The following CNTNAP5 variants were observed in gnomAD, a reference collection of about 807,000 sequenced individuals.
The protein encoded by CNTNAP5 is contactin associated protein family member 5, also known as contactin-associated protein-like 5.
In CNTNAP5, 72 loss-of-function variants were observed where a neutral mutation model predicts 150.2. That is an observed-to-expected ratio of 0.48 (90% CI 0.40 to 0.58). The LOEUF is 0.58. Among genes scored for constraint, CNTNAP5 ranks in the 20% least tolerant of loss-of-function variants. The pLI is 0.00. For synonymous variants in CNTNAP5, 672 were observed against 619.8 expected, an observed-to-expected ratio of 1.08 and a Z score of -1.25; for missense variants, 1,636 against 1,626.2, an observed-to-expected ratio of 1.01 and a Z score of -0.10.
chr2:124,561,307 C>T (rs1217869425), intron 10 of CNTNAP5, among the ~76,000 whole-genome samples: 1 of 152,022 alleles, frequency 6.6e-6, no homozygotes, highest in Non-Finnish European at 1.5e-5. Flanking sequence ...GTGCTAGCCC[C>T]CCAGGATCTC....
intron 3 of CNTNAP5, among the ~76,000 whole-genome samples, chr2:124,288,207 G>A (rs1187572924): frequency 6.6e-6 from 1 of 152,192 alleles, no homozygotes. Context: ...TGAGATTACA[G>A]ACATGAGCCA....
Position 124,776,919 on chromosome 2 carries a change from CAA to C in CNTNAP5, c.2752+3904_2752+3905del, listed in dbSNP as rs1004009263. ...TTCCCCCATAAAAGTGTATTTTTTT[CAA>C]AGTTAAATAATATATTAAGTATACT... On this transcript the variant is annotated intron_variant, in intron 17 of 23. Coordinates refer to ENST00000682447, the MANE Select transcript of CNTNAP5 (RefSeq NM_001367498.1). 1.0e-3 allele frequency among the ~76,000 whole-genome samples: 152 copies of C among 151,836 alleles called. 1 individual carries two copies. The highest frequency in any genetic ancestry group is 3.4e-3 in the African/African-American group (140 of 41,452).
At chr2:124,131,795 C>A (rs747558764) in intron 1 of CNTNAP5, among the ~76,000 whole-genome samples, 1 of 152,090 alleles carries the variant, frequency 6.6e-6, no homozygotes, top group Non-Finnish European at 1.5e-5. Flanking sequence ...ATTTTTTCAT[C>A]CCACTATGGA....
At chr2:124,854,614 G>C (rs7588297) in intron 19 of CNTNAP5, among the ~76,000 whole-genome samples, 1,840 of 152,308 alleles carry the variant, frequency 0.012, 44 homozygotes, top group African/African-American at 0.041. Context: ...ATAAATGTTA[G>C]TTTATAATTT....
chr2:124,345,018 T>A (rs1689704561), intron 3 of CNTNAP5, among the ~76,000 whole-genome samples: 1 of 152,166 alleles, frequency 6.6e-6, no homozygotes, highest in South Asian at 2.1e-4. Context: ...TAAGACCTTT[T>A]AATTTTCTTT....
At chr2:124,439,448 A>G (rs1222971632) in intron 5 of CNTNAP5, among the ~76,000 whole-genome samples, 1 of 152,204 alleles carries the variant, frequency 6.6e-6, no homozygotes, top group Non-Finnish European at 1.5e-5. Flanking sequence ...CATCATCAAA[A>G]TCATATAACA....
chr2:124,691,006 T>C (rs1171445613), intron 13 of CNTNAP5, among the ~76,000 whole-genome samples: 1 of 152,086 alleles, frequency 6.6e-6, no homozygotes, highest in African/African-American at 2.4e-5. Context: ...TTTTACACAA[T>C]ACAGAAGCCT....
chr2:124,166,403 A>G (rs1339276974), intron 1 of CNTNAP5, among the ~76,000 whole-genome samples: 2 of 152,194 alleles, frequency 1.3e-5, no homozygotes, highest in African/African-American at 2.4e-5. Flanking sequence ...ACTTAAGTAC[A>G]TTGAGATTTA....
chr2:124,880,544 C>T (rs1677944449), intron 21 of CNTNAP5, among the ~76,000 whole-genome samples: 1 of 151,970 alleles, frequency 6.6e-6, no homozygotes, highest in Non-Finnish European at 1.5e-5. Flanking sequence ...ATAAGCCTTG[C>T]ACAGAGCATG....
At chr2:124,812,012 A>AAT (rs1408271454) in intron 19 of CNTNAP5, among the ~76,000 whole-genome samples, 1 of 61,622 alleles carries the variant, frequency 1.6e-5, no homozygotes, top group African/African-American at 5.6e-5. Context: ...ATAATATATA[A>AAT]TTTATATTTA....
chr2:124,493,467 A>G (rs977064070), intron 7 of CNTNAP5, among the ~76,000 whole-genome samples: 1 of 151,818 alleles, frequency 6.6e-6, no homozygotes, highest in African/African-American at 2.4e-5. Context: ...CAGCCTCCCT[A>G]GTAGCTGGGA....
rs116676372 is a variant in CNTNAP5, at chr2:124,633,803, T to C, written c.1877-13955T>C. Among the ~76,000 whole-genome samples, 520 of 152,324 alleles carry C rather than the reference T, an allele frequency of 3.4e-3. 3 individuals are homozygous for C. The highest frequency in any genetic ancestry group is 4.9e-3 in the Non-Finnish European group (334 of 68,030). ...CTGGAGTCTCCCAAGCCTCAATTCT[T>C]GTACTCTGTGAACCCTCAGACTTAA... On this transcript the variant is annotated intron_variant, in intron 12 of 23. Transcript: ENST00000682447.
chr2:124,699,808 CTCTTTCTTTCTT>C lies in CNTNAP5; in HGVS notation c.2078-47414_2078-47403del, dbSNP rs199864543. On this transcript the variant is annotated intron_variant, in intron 13 of 23. Transcript: ENST00000682447. ...CTTTCTTTCTTTTCTTTCTTTCTTTCTCTTTCTTTCTTTCTTTCCTTCTCTTTCTTTCTTCTC... is the reference window on the plus strand; with the variant it reads ...CTTTCTTTCTTTTCTTTCTTTCTTTCTCTTTCCTTCTCTTTCTTTCTTCTC... Among the ~76,000 whole-genome samples the C allele has an allele frequency of 1.9e-3, 283 of 151,784 alleles. 2 individuals carry two copies. The highest frequency in any genetic ancestry group is 5.2e-4 in the Non-Finnish European group (35 of 67,892).
chr2:124,350,998 A>T (rs370549457), intron 3 of CNTNAP5, among the ~76,000 whole-genome samples: 22 of 33,246 alleles, frequency 6.6e-4, no homozygotes, highest in Non-Finnish European at 1.2e-3. Flanking sequence ...TTTCCAAAGA[A>T]CTTCGATTTA....
At chr2:124,238,224 G>A (rs894198905) in intron 2 of CNTNAP5, among the ~76,000 whole-genome samples, 1 of 152,078 alleles carries the variant, frequency 6.6e-6, no homozygotes, top group South Asian at 2.1e-4. Context: ...CTGGATGCAG[G>A]TTTCCTGGGT....
intron 6 of CNTNAP5, among the ~76,000 whole-genome samples, chr2:124,451,349 C>T (rs1044862882): frequency 5.3e-5 from 8 of 151,338 alleles, no homozygotes; most frequent in Non-Finnish European, 1.2e-4. Context: ...ATTTTTTAAA[C>T]GTAAGAGTGC....
At chr2:124,338,724 G>GA (rs1383125569) in intron 3 of CNTNAP5, among the ~76,000 whole-genome samples, 11 of 152,162 alleles carry the variant, frequency 7.2e-5, no homozygotes, top group East Asian at 1.9e-4. Flanking sequence ...GGAGGTTGCG[G>GA]AAAAAACAAG....
intron 2 of CNTNAP5, among the ~76,000 whole-genome samples, chr2:124,228,435 A>C (rs1233556701): frequency 6.6e-6 from 1 of 152,142 alleles, no homozygotes; most frequent in Non-Finnish European, 1.5e-5. Context: ...AACCCAGTCA[A>C]CTTGACACCT....
chr2:124,240,061 T>C (rs1686847601), intron 2 of CNTNAP5, among the ~76,000 whole-genome samples: 1 of 152,194 alleles, frequency 6.6e-6, no homozygotes, highest in African/African-American at 2.4e-5. Flanking sequence ...GTTTTAATCC[T>C]GGGTGCCAAA....
Sources: allele counts gnomAD v4.1 joint callset (sites outside exome capture counted in the v4.1 genomes callset), GRCh38; gene constraint gnomAD v4.1.1; transcripts MANE v1.5; gene names NCBI Gene and HGNC (gene_info 2026-07-23, HGNC 2026-07-21).